Variants in ERC1 observed in about 807,000 individuals in gnomAD.
ERC1 encodes RAB6 interacting protein 2.
ERC1 carries 56 observed loss-of-function variants against 132.0 expected under a neutral mutation model. The observed-to-expected ratio is 0.42, with a 90% CI of 0.34 to 0.53. ERC1 has a LOEUF of 0.53. Ranked by LOEUF, ERC1 falls within the 20% of genes least tolerant of loss-of-function variation. The probability of loss-of-function intolerance (pLI) is 0.03; values close to 1 mark genes in which losing one functional copy is unlikely to be tolerated. For synonymous variants in ERC1, 478 were observed against 476.1 expected (o/e 1.00, Z -0.05); for missense variants, 1,202 against 1,349.9 (o/e 0.89, Z 1.72).
At chr12:992,968 A>G (rs1959949443) in intron 1 of ERC1, among the ~76,000 whole-genome samples, 2 of 152,358 alleles carry the variant, frequency 1.3e-5, no homozygotes, top group East Asian at 3.9e-4. Flanking sequence ...CTTGTAACCC[A>G]AAAGAGAAAT....
At chr12:1,420,524 C>T (rs1378851221) in intron 17 of ERC1, among the ~76,000 whole-genome samples, 2 of 152,128 alleles carry the variant, frequency 1.3e-5, no homozygotes, top group Non-Finnish European at 2.9e-5. Context: ...GGCACAATCT[C>T]GGCTCGCTAC....
Position 1,083,151 on chromosome 12 carries a change from G to A in ERC1, c.670-13G>A, listed in dbSNP as rs1243847235. On this transcript the variant is annotated splice_polypyrimidine_tract_variant and intron_variant, in intron 2 of 18. Transcript: ENST00000360905. Reference sequence around the variant, plus strand: ...AAGCTGATTTGGGGGTTTTCTTTTTGTCTTGGTTCTAGCACATGCAGATGA... The same window carrying A: ...AAGCTGATTTGGGGGTTTTCTTTTTATCTTGGTTCTAGCACATGCAGATGA... 2 of 1,589,666 alleles carry A rather than the reference G, an allele frequency of 1.3e-6. No homozygotes were observed. The highest frequency in any genetic ancestry group is 1.1e-5 in the South Asian group (1 of 87,520).
intron 17 of ERC1, among the ~76,000 whole-genome samples, chr12:1,409,934 C>T (rs2091745263): frequency 6.6e-6 from 1 of 152,054 alleles, no homozygotes; most frequent in Non-Finnish European, 1.5e-5. Flanking sequence ...GTCTCAAACT[C>T]CTGACCTCAG....
intron 1 of ERC1, among the ~76,000 whole-genome samples, chr12:1,025,454 A>C (rs912518803): frequency 1.3e-5 from 2 of 152,100 alleles, no homozygotes; most frequent in Non-Finnish European, 2.9e-5. Context: ...TTTTGGTATA[A>C]TACTTTGTCA....
chr12:1,337,438 C>T (rs375020400), intron 15 of ERC1, among the ~76,000 whole-genome samples: 1 of 151,734 alleles, frequency 6.6e-6, no homozygotes, highest in Non-Finnish European at 1.5e-5. Context: ...GGTGTCATTG[C>T]ATACGAAATG....
intron 16 of ERC1, among the ~76,000 whole-genome samples, chr12:1,385,650 G>T (rs2089257864): frequency 6.6e-6 from 1 of 152,170 alleles, no homozygotes; most frequent in Admixed American, 6.5e-5. Context: ...TTTTAAGGCT[G>T]GTTCTAGTTG....
intron 16 of ERC1, among the ~76,000 whole-genome samples, chr12:1,407,375 G>A (rs1298212037): frequency 1.3e-5 from 2 of 151,816 alleles, no homozygotes; most frequent in Non-Finnish European, 2.9e-5. Context: ...TTTTTTTATT[G>A]AGACCCTGTC....
At chr12:1,275,425 T>C (rs1243601167) in intron 14 of ERC1, among the ~76,000 whole-genome samples, 1 of 152,056 alleles carries the variant, frequency 6.6e-6, no homozygotes, top group Non-Finnish European at 1.5e-5. Context: ...GAGGCAGAGG[T>C]TGCAGTGAGT....
intron 18 of ERC1, among the ~76,000 whole-genome samples, chr12:1,473,142 C>T (rs1006895883): frequency 1.3e-5 from 2 of 152,174 alleles, no homozygotes; most frequent in Non-Finnish European, 2.9e-5. Flanking sequence ...TCTCCTGCCT[C>T]AGCTTCCTGA....
chr12:1,157,332 C>T (rs1261543948), intron 8 of ERC1, among the ~76,000 whole-genome samples: 2 of 152,168 alleles, frequency 1.3e-5, no homozygotes, highest in African/African-American at 4.8e-5. Flanking sequence ...CTTGAACTGC[C>T]GGGCTCAAGC....
intron 16 of ERC1, among the ~76,000 whole-genome samples, chr12:1,387,761 C>G (rs1057062876): frequency 6.6e-6 from 1 of 152,118 alleles, no homozygotes; most frequent in Non-Finnish European, 1.5e-5. Context: ...GACTTGGGGC[C>G]GCTAGAACTG....
chr12:1,323,440 A>G (rs1319175033), intron 15 of ERC1, among the ~76,000 whole-genome samples: 1 of 152,182 alleles, frequency 6.6e-6, no homozygotes, highest in Non-Finnish European at 1.5e-5. Context: ...TGTGGTATCT[A>G]TATAAATTAT....
intron 14 of ERC1, among the ~76,000 whole-genome samples, chr12:1,277,267 A>T (rs2078338961): frequency 1.3e-5 from 2 of 152,274 alleles, no homozygotes; most frequent in South Asian, 4.1e-4. Flanking sequence ...TTATGAAAAC[A>T]TGTAATAATT....
intron 14 of ERC1, among the ~76,000 whole-genome samples, chr12:1,265,526 G>A (rs538873538): frequency 5.3e-5 from 8 of 152,192 alleles, no homozygotes; most frequent in South Asian, 2.1e-4. Context: ...AACATGTTGC[G>A]CCAGTGTAGT....
At chr12:1,401,849 G>A (rs1327975669) in intron 16 of ERC1, among the ~76,000 whole-genome samples, 3 of 151,894 alleles carry the variant, frequency 2.0e-5, no homozygotes, top group African/African-American at 4.8e-5. Context: ...GCAAGTTAAC[G>A]TATATGAAAG....
At chr12:1,390,604 T>TGG (rs1480810974) in intron 16 of ERC1, 3 of 152,126 alleles carry the variant, frequency 2.0e-5, no homozygotes, top group Non-Finnish European at 4.4e-5. Flanking sequence ...AGAGCATGCT[T>TGG]AGGATGCCCA....
chr12:1,052,111 G>T (rs990110486), intron 2 of ERC1, among the ~76,000 whole-genome samples: 1 of 152,202 alleles, frequency 6.6e-6, no homozygotes, highest in African/African-American at 2.4e-5. Flanking sequence ...TTAACTGGAG[G>T]GTTTGTTAAA....
At chr12:1,208,027 A>G (rs561671216) in intron 12 of ERC1, among the ~76,000 whole-genome samples, 2 of 152,294 alleles carry the variant, frequency 1.3e-5, no homozygotes, top group South Asian at 2.1e-4. Flanking sequence ...TTACAGTTTG[A>G]CACTGTTAAA....
At chr12:1,076,154 G>A (rs916904870) in intron 2 of ERC1, among the ~76,000 whole-genome samples, 2 of 152,080 alleles carry the variant, frequency 1.3e-5, no homozygotes, top group Admixed American at 1.3e-4. Context: ...CCATTTGTGA[G>A]CTTTATTTTT....
Sources: allele counts gnomAD v4.1 joint callset (sites outside exome capture counted in the v4.1 genomes callset), GRCh38; gene constraint gnomAD v4.1.1; transcripts MANE v1.5; gene names NCBI Gene and HGNC (gene_info 2026-07-23, HGNC 2026-07-21).